Variants in SRPK2 observed in about 807,000 individuals in gnomAD.
SRPK2 encodes SFRS protein kinase 2.
A neutral mutation model predicts 90.8 loss-of-function variants in SRPK2; 21 were observed. That is an observed-to-expected ratio of 0.23 (90% CI 0.16 to 0.33). The LOEUF is 0.33. Ranked by LOEUF, SRPK2 falls within the 10% of genes least tolerant of loss-of-function variation. The pLI is 1.00. For synonymous variants in SRPK2, 288 were observed against 311.1 expected, an observed-to-expected ratio of 0.93 and a Z score of 0.78; for missense variants, 620 against 869.0, an observed-to-expected ratio of 0.71 and a Z score of 3.60.
At chr7:105,163,912 C>T (rs988748005) in intron 6 of SRPK2, among the ~76,000 whole-genome samples, 1 of 152,210 alleles carries the variant, frequency 6.6e-6, no homozygotes, top group Admixed American at 6.5e-5. Context: ...TATGCAATTC[C>T]AATTGAAAAC....
chr7:105,249,703 T>C (rs907411466), intron 2 of SRPK2, among the ~76,000 whole-genome samples: 1 of 152,240 alleles, frequency 6.6e-6, no homozygotes, highest in Admixed American at 6.5e-5. Context: ...CTTGCTATCA[T>C]GCTTTTTCAT....
At chr7:105,243,033 G>A (rs962548328) in intron 2 of SRPK2, among the ~76,000 whole-genome samples, 1 of 152,028 alleles carries the variant, frequency 6.6e-6, no homozygotes, top group Non-Finnish European at 1.5e-5. Context: ...CCTTTTTAGA[G>A]ACACGGTCTC....
chr7:105,305,440 C>CA (rs1359191536), intron 2 of SRPK2, among the ~76,000 whole-genome samples: 8 of 151,838 alleles, frequency 5.3e-5, no homozygotes, highest in Non-Finnish European at 1.5e-5. Context: ...GACTCTGTCA[C>CA]AAAAAAAATT....
chr7:105,269,531 C>T (rs574442784), intron 2 of SRPK2, among the ~76,000 whole-genome samples: 16 of 152,240 alleles, frequency 1.1e-4, no homozygotes, highest in African/African-American at 3.9e-4. Context: ...AAGTGAACAG[C>T]AACACCCATT....
chr7:105,306,180 G>C (rs1811120474), intron 2 of SRPK2: 1 of 170,616 alleles, frequency 5.9e-6, no homozygotes, highest in Non-Finnish European at 1.3e-5. Flanking sequence ...TTGAAGCCAT[G>C]AGTAACAATG....
intron 2 of SRPK2, chr7:105,205,870 G>C: frequency 2.0e-6 from 1 of 511,948 alleles, no homozygotes; most frequent in Non-Finnish European, 3.9e-6. Flanking sequence ...TACTTTGAAA[G>C]CTAGCTGTTT....
intron 2 of SRPK2, among the ~76,000 whole-genome samples, chr7:105,213,336 A>G (rs548098095): frequency 6.6e-5 from 10 of 152,218 alleles, no homozygotes; most frequent in South Asian, 6.2e-4. Flanking sequence ...TATAAAATCT[A>G]TAGCTGAAAA....
At chr7:105,378,976 G>A (rs184266989) in intron 2 of SRPK2, among the ~76,000 whole-genome samples, 2 of 151,786 alleles carry the variant, frequency 1.3e-5, no homozygotes, top group African/African-American at 4.8e-5. Context: ...GGGCAACATA[G>A]GGAGATCCCA....
intron 2 of SRPK2, among the ~76,000 whole-genome samples, chr7:105,384,161 T>TA (rs1284147822): frequency 6.6e-6 from 1 of 152,182 alleles, no homozygotes; most frequent in Non-Finnish European, 1.5e-5. Context: ...AGAGATATTT[T>TA]AAAAATTGTA....
At chr7:105,345,112 G>A (rs551971390) in intron 2 of SRPK2, among the ~76,000 whole-genome samples, 1 of 151,178 alleles carries the variant, frequency 6.6e-6, no homozygotes, top group Non-Finnish European at 1.5e-5. Context: ...CTCCAGCCTA[G>A]GCAACAAGAG....
chr7:105,275,178 A>G (rs6955133), intron 2 of SRPK2, among the ~76,000 whole-genome samples: 66,429 of 152,060 alleles, frequency 0.44, 15,815 homozygotes, highest in South Asian at 0.53. Context: ...GAGCCACAGC[A>G]CCCAGCCAGT....
chr7:105,215,767 A>G (rs926511535), intron 2 of SRPK2, among the ~76,000 whole-genome samples: 1 of 152,244 alleles, frequency 6.6e-6, no homozygotes, highest in Admixed American at 6.5e-5. Context: ...AATTTGTATA[A>G]AATGATTACA....
intron 1 of SRPK2, among the ~76,000 whole-genome samples, chr7:105,398,654 A>T (rs964351038): frequency 1.9e-4 from 29 of 152,138 alleles, no homozygotes; most frequent in Non-Finnish European, 3.5e-4. Context: ...TAAATTCTTT[A>T]AAGTTTATTT....
At chr7:105,155,607 A>C (rs542243500) in intron 7 of SRPK2, among the ~76,000 whole-genome samples, 19 of 152,188 alleles carry the variant, frequency 1.2e-4, no homozygotes, top group Non-Finnish European at 2.6e-4. Context: ...CTGAAGTGCC[A>C]GCAGCCCTAG....
chr7:105,218,616 A>G (rs1563098582), intron 2 of SRPK2, among the ~76,000 whole-genome samples: 1 of 152,224 alleles, frequency 6.6e-6, no homozygotes, highest in Non-Finnish European at 1.5e-5. Flanking sequence ...AAGGACCTCC[A>G]CTTATAATAA....
chr7:105,125,763 GT>G (rs762952556), intron 15 of SRPK2: 1 of 1,139,092 alleles, frequency 8.8e-7, no homozygotes, highest in South Asian at 1.3e-5. Context: ...GAAAATTAGT[GT>G]TGCATAAATA....
chr7:105,178,299 T>C (rs1563041405), intron 3 of SRPK2, among the ~76,000 whole-genome samples: 1 of 152,024 alleles, frequency 6.6e-6, no homozygotes, highest in East Asian at 1.9e-4. Context: ...ATATAAACAA[T>C]AATGAAGCCT....
At position 105,300,613 on chromosome 7, in the gene SRPK2, C is replaced by A. The variant is rs555158221; in HGVS notation, c.71+88035G>T. Reference sequence around the variant, plus strand: ...TGGGAGAAAATTTTTGCAATCTACCCATCTGACAAAGGGCTAATATCCAGA... The same window carrying A: ...TGGGAGAAAATTTTTGCAATCTACCAATCTGACAAAGGGCTAATATCCAGA... On this transcript the variant is annotated intron_variant, in intron 2 of 15. Coordinates refer to ENST00000393651, the MANE Select transcript of SRPK2 (RefSeq NM_182692.3). Among the ~76,000 whole-genome samples the A allele has an allele frequency of 2.0e-5, 3 of 152,220 alleles. No individual in the cohort carries two copies. In the South Asian group the frequency reaches 6.2e-4, roughly 32 times the overall value.
rs397889533 is a variant in SRPK2 at position 105,292,497 on chromosome 7, CAAAAAA to C, written c.72-88718_72-88713del. On this transcript the variant is annotated intron_variant, in intron 2 of 15. Coordinates refer to ENST00000393651, the MANE Select transcript of SRPK2 (RefSeq NM_182692.3). ...AGCCTGGGCGATAGAGTAAGACTCT[CAAAAAA>C]AAAAAAAAAAAAAAAAAAAAGAGCA... Among the ~76,000 whole-genome samples the C allele has an allele frequency of 2.9e-4, 22 of 74,806 alleles. 1 individual carries two copies. The highest frequency in any genetic ancestry group is 2.0e-3 in the Admixed American group (13 of 6,476). The allele number at this position is 74,806 out of a possible 152,430, so 49.1% of individuals were successfully genotyped here. A position where few individuals can be genotyped will look rare whatever the true frequency, so the allele number is the denominator to read the frequency against.
Sources: gnomAD v4.1 joint callset for allele counts (sites outside exome capture counted in the v4.1 genomes callset) on GRCh38, gnomAD v4.1.1 for gene constraint, MANE v1.5 for transcripts, NCBI Gene and HGNC (gene_info 2026-07-23, HGNC 2026-07-21) for gene names.